The following NOL11 variants were observed in gnomAD, a reference collection of about 807,000 sequenced individuals.
The protein encoded by NOL11 is nucleolar protein 11.
Under a neutral mutation model 93.0 loss-of-function variants are expected in NOL11, and 42 were observed. That is an observed-to-expected ratio of 0.45 (90% confidence interval 0.35 to 0.58). NOL11 has a LOEUF of 0.58. NOL11 is among the 20% of genes least tolerant of loss of function. NOL11 has a pLI of 0.00. For synonymous variants in NOL11, 296 were observed against 293.7 expected, an observed-to-expected ratio of 1.01 and a Z score of -0.08; for missense variants, 775 against 841.8, an observed-to-expected ratio of 0.92 and a Z score of 0.98.
At chr17:67,735,518 A>C (rs1039279391) in intron 8 of NOL11, among the ~76,000 whole-genome samples, 4 of 151,614 alleles carry the variant, frequency 2.6e-5, no homozygotes, top group African/African-American at 9.7e-5. Flanking sequence ...TATTTTTACA[A>C]TCATAAAATA....
intron 3 of NOL11, 43 bp from the exon 4 acceptor site, chr17:67,721,335 A>C (rs1310365111): frequency 1.6e-6 from 2 of 1,288,772 alleles, no homozygotes; most frequent in Non-Finnish European, 2.1e-6. Context: ...ATTAGGTATA[A>C]ATTGTTTTAG....
intron 1 of NOL11, 33 bp downstream of exon 1, chr17:67,718,121 G>A (rs1287727750): frequency 1.3e-6 from 2 of 1,599,488 alleles, no homozygotes; most frequent in Admixed American, 3.5e-5. Context: ...CGCCCCGACT[G>A]CCTTCTCGCC....
At position 67,721,456 on chromosome 17, in the gene NOL11, G is replaced by T; in HGVS notation, c.391G>T (p.Gly131Cys). 1 of 1,613,800 alleles carries T rather than the reference G, an allele frequency of 6.2e-7. No individual in the cohort carries two copies. The change falls in exon 4 of 18, where the codon GGT becomes TGT. Residue 131 changes from glycine to cysteine, a missense_variant. Coordinates refer to ENST00000253247, the MANE Select transcript of NOL11 (RefSeq NM_015462.5). The stretch of plus-strand genomic sequence containing the variant: ...GCTCTTCAAGGAAGGTGCTGTTCGT[G>T]GTTTAGAGGCCTTGCTTGCAGACCC... ...LVLFKEGAVR[G>C]LEALLADPQQ...
At chr17:67,741,114 G>A (rs2055252639) in intron 16 of NOL11, among the ~76,000 whole-genome samples, 1 of 152,062 alleles carries the variant, frequency 6.6e-6, no homozygotes, top group Admixed American at 6.5e-5. Flanking sequence ...CTGTCTCCCA[G>A]GCTAGAATGC....
At position 67,738,980 on chromosome 17, in the gene NOL11, T is replaced by G. The variant is rs1385534356; in HGVS notation, c.1812T>G (p.His604Gln). 1 of 1,612,670 alleles carries G rather than the reference T, an allele frequency of 6.2e-7. No individual in the cohort carries two copies. Among genetic ancestry groups the G allele is most frequent in the African/African-American group, 1.3e-5 (1 of 74,936 alleles). Reference protein sequence around the residue: ...SAYSETFLLPHLKDIPAQHIT... With the variant: ...SAYSETFLLPQLKDIPAQHIT... ...ATAGCGAGACATTTCTTCTGCCTCATTTGAAAGACATCCCAGCACAGCATA... is the reference window on the plus strand; with the variant it reads ...ATAGCGAGACATTTCTTCTGCCTCAGTTGAAAGACATCCCAGCACAGCATA... The change falls in exon 15 of 18, where the codon CAT (histidine) becomes CAG (glutamine). Residue 604 changes from histidine to glutamine, a missense_variant. Physicochemically the swap from His to Gln is conservative, Grantham distance 24. Around this residue, in one of 2 missense-constraint regions of NOL11, gnomAD observed 416 missense variants for 525.2 expected, o/e 0.79. Transcript: ENST00000253247.
chr17:67,736,607 T>C (rs1360935777), intron 9 of NOL11, 59 bp from the exon 10 acceptor site: 1 of 1,079,190 alleles, frequency 9.3e-7, no homozygotes, highest in Non-Finnish European at 1.4e-6. Context: ...TTTGATTGTT[T>C]AGTTGGGCAA....
intron 7 of NOL11, among the ~76,000 whole-genome samples, chr17:67,731,251 G>GTTTTTT: frequency 7.9e-5 from 1 of 12,688 alleles, no homozygotes; most frequent in Non-Finnish European, 1.5e-4. Context: ...GTGCACAAAA[G>GTTTTTT]TTTTTTTTTT....
At chr17:67,719,117 G>T (rs892594057) in intron 1 of NOL11, 1 of 152,100 alleles carries the variant, frequency 6.6e-6, no homozygotes, top group African/African-American at 2.4e-5. Context: ...TTAGAGGTTT[G>T]GCCGGACGCG....
At chr17:67,725,426 C>T (rs1226064684) in intron 6 of NOL11, among the ~76,000 whole-genome samples, 1 of 152,162 alleles carries the variant, frequency 6.6e-6, no homozygotes, top group Non-Finnish European at 1.5e-5. Flanking sequence ...GTGGTACCCT[C>T]TCCCCTCCAC....
intron 6 of NOL11, among the ~76,000 whole-genome samples, chr17:67,724,637 C>T (rs1480715707): frequency 6.6e-6 from 1 of 152,190 alleles, no homozygotes; most frequent in East Asian, 1.9e-4. Flanking sequence ...CGGCCCATGC[C>T]TTTGCTTTTT....
At chr17:67,728,804 A>G (rs2055123829) in intron 7 of NOL11, among the ~76,000 whole-genome samples, 1 of 152,160 alleles carries the variant, frequency 6.6e-6, no homozygotes, top group South Asian at 2.1e-4. Context: ...TGCTTTTTGA[A>G]TAGCTGTGTA....
At chr17:67,740,400 G>A (rs1374369239) in intron 16 of NOL11, among the ~76,000 whole-genome samples, 4 of 151,212 alleles carry the variant, frequency 2.6e-5, no homozygotes, top group Admixed American at 6.6e-5. Context: ...ACCTGAGGTC[G>A]GGAGTTCAAG....
intron 9 of NOL11, among the ~76,000 whole-genome samples, chr17:67,736,323 G>C (rs1040211939): frequency 1.3e-5 from 2 of 151,472 alleles, no homozygotes; most frequent in Admixed American, 6.6e-5. Context: ...TGAAACTTGT[G>C]AACAGTCCAA....
intron 1 of NOL11, chr17:67,719,430 T>G (rs1224898631): frequency 3.7e-6 from 1 of 267,418 alleles, no homozygotes; most frequent in Non-Finnish European, 7.2e-6. Flanking sequence ...CCGGCTAATT[T>G]TTGTGTTTTT....
intron 9 of NOL11, 71 bp downstream of exon 9, chr17:67,736,094 C>A: frequency 7.5e-7 from 1 of 1,326,838 alleles, no homozygotes; most frequent in Non-Finnish European, 1.0e-6. Flanking sequence ...TACAGATTCC[C>A]ACAGCCTTCT....
chr17:67,738,013 A>T, intron 13 of NOL11, 41 bp downstream of exon 13: 1 of 1,572,692 alleles, frequency 6.4e-7, no homozygotes, highest in Non-Finnish European at 8.6e-7. Flanking sequence ...CACTACATTT[A>T]TAATCTGTTA....
At chr17:67,726,871 A>C in intron 7 of NOL11, 1 of 389,056 alleles carries the variant, frequency 2.6e-6, no homozygotes, top group Non-Finnish European at 4.6e-6. Flanking sequence ...CACCATGCTC[A>C]TAACTATGTC....
intron 6 of NOL11, 142 bp downstream of exon 6, chr17:67,724,335 T>C: frequency 7.7e-6 from 2 of 260,542 alleles, no homozygotes; most frequent in Non-Finnish European, 6.7e-6. Context: ...GCCTTCACTT[T>C]TTTTTTTTTT....
At chr17:67,718,862 C>T (rs1009251314) in intron 1 of NOL11, among the ~76,000 whole-genome samples, 5 of 152,192 alleles carry the variant, frequency 3.3e-5, no homozygotes. Context: ...TATTGGGTTT[C>T]ACTTGGGATG....
Sources: gnomAD v4.1 joint callset for allele counts (sites outside exome capture counted in the v4.1 genomes callset) on GRCh38, gnomAD v4.1.1 for gene constraint, gnomAD v4.1.1 regional missense constraint, MANE v1.5 for transcripts, NCBI Gene and HGNC (gene_info 2026-07-23, HGNC 2026-07-21) for gene names.